Variants in DENND4C observed in about 807,000 individuals in gnomAD.
DENND4C encodes DENN domain-containing protein 4C.
DENND4C carries 108 observed loss-of-function variants against 203.0 expected under a neutral mutation model. The ratio of observed to expected loss-of-function variants is 0.53; its 90% CI spans 0.46 to 0.62. DENND4C has a LOEUF of 0.62. Among genes scored for constraint, DENND4C ranks in the 20% least tolerant of loss-of-function variants. The pLI is 0.00. For synonymous variants in DENND4C, 871 were observed against 792.4 expected, an observed-to-expected ratio of 1.10 and a Z score of -1.67; for missense variants, 2,481 against 2,301.2, an observed-to-expected ratio of 1.08 and a Z score of -1.60.
chr9:19,275,856 C>T (rs1341550459), intron 1 of DENND4C, among the ~76,000 whole-genome samples: 1 of 152,200 alleles, frequency 6.6e-6, no homozygotes, highest in East Asian at 1.9e-4. Context: ...ATCCACTTGC[C>T]TTGGCCCCCC....
intron 2 of DENND4C, among the ~76,000 whole-genome samples, chr9:19,277,016 T>C (rs1833016410): frequency 1.3e-5 from 2 of 152,010 alleles, no homozygotes; most frequent in South Asian, 4.1e-4. Flanking sequence ...CATTCTTTTT[T>C]GTAAATGCCT....
In DENND4C at chr9:19,358,941, A is replaced by G. The variant is rs554766411; in HGVS notation, c.5160+781A>G. On this transcript the variant is annotated intron_variant, in intron 28 of 32. Transcript: ENST00000434457. The surrounding 1 kb of genome is among the most constrained non-coding windows in gnomAD (Gnocchi z 4.8). ...CCTCCCAGCAGGAGACATAAACATT[A>G]GTAGCTATTAATGCCTTAATGCCTA... 2.6e-5 allele frequency among the ~76,000 whole-genome samples: 4 copies of G among 151,952 alleles called. No individual in the cohort carries two copies. The highest frequency in any genetic ancestry group is 9.7e-5 in the African/African-American group (4 of 41,216).
chr9:19,268,810 A>G (rs79044950), intron 1 of DENND4C, among the ~76,000 whole-genome samples: 3,178 of 152,210 alleles, frequency 0.021, 120 homozygotes, highest in African/African-American at 0.072. Flanking sequence ...TGCCAGACAC[A>G]TTAGAGCTCC....
chr9:19,265,325 A>G (rs1830266745), intron 1 of DENND4C, among the ~76,000 whole-genome samples: 1 of 152,100 alleles, frequency 6.6e-6, no homozygotes, highest in African/African-American at 2.4e-5. Context: ...CCAATTTTTT[A>G]AATTTTCCTT....
chr9:19,238,646 T>C (rs1397524547), intron 1 of DENND4C, among the ~76,000 whole-genome samples: 10 of 30,816 alleles, frequency 3.2e-4, no homozygotes, highest in Non-Finnish European at 5.8e-4. Flanking sequence ...TCCCCTCCCC[T>C]CCCTTCCCCT....
chr9:19,368,978 T>C (rs899937309), intron 30 of DENND4C, among the ~76,000 whole-genome samples: 2 of 151,552 alleles, frequency 1.3e-5, no homozygotes, highest in African/African-American at 4.9e-5. Flanking sequence ...AGCAAGACCC[T>C]ATCTCTACAA....
intron 1 of DENND4C, among the ~76,000 whole-genome samples, chr9:19,271,587 C>T (rs1033661441): frequency 1.3e-5 from 2 of 151,974 alleles, no homozygotes; most frequent in African/African-American, 2.4e-5. Flanking sequence ...GCAGTGAGGC[C>T]CAGTGAGGTG....
At chr9:19,335,138 G>A in intron 18 of DENND4C, 33 bp downstream of exon 18, 2 of 1,442,662 alleles carry the variant, frequency 1.4e-6, no homozygotes, top group Admixed American at 2.3e-5. Flanking sequence ...AAGATGTGGT[G>A]TTTATTAAGA....
intron 6 of DENND4C, among the ~76,000 whole-genome samples, chr9:19,297,593 A>G (rs901713902): frequency 4.6e-5 from 7 of 152,142 alleles, no homozygotes; most frequent in African/African-American, 1.4e-4. Context: ...TATGGCTCCT[A>G]AGAGCTCCAA....
In DENND4C at chr9:19,305,215, A is replaced by G. The variant is rs1025711058; in HGVS notation, c.1312-137A>G. 9 of 657,824 alleles carry G rather than the reference A, an allele frequency of 1.4e-5. No homozygotes were observed. The African/African-American group carries it at 1.5e-4, about 11-fold the overall frequency. 40.7% of individuals were successfully genotyped at this position (657,824 alleles called of 1,614,324 possible). A position where few individuals can be genotyped will look rare whatever the true frequency, so the allele number is the denominator to read the frequency against. Reference sequence around the variant, plus strand: ...GCTTAGTAGTATTTTATAGTCATTTAGTTTTGGAATGAAGTTTAAGGTAAA... The same window carrying G: ...GCTTAGTAGTATTTTATAGTCATTTGGTTTTGGAATGAAGTTTAAGGTAAA... On this transcript the variant is annotated intron_variant, in intron 9 of 32. Coordinates refer to ENST00000434457, the MANE Select transcript of DENND4C (RefSeq NM_001330640.2).
At chr9:19,260,482 C>T (rs1829089071) in intron 1 of DENND4C, among the ~76,000 whole-genome samples, 1 of 152,096 alleles carries the variant, frequency 6.6e-6, no homozygotes, top group Non-Finnish European at 1.5e-5. Flanking sequence ...ACTGCAACCT[C>T]CACCTCCTGG....
chr9:19,360,417 C>T lies in DENND4C; in HGVS notation c.5334C>T (p.Phe1778=), dbSNP rs368890769. 9.9e-5 allele frequency: 159 copies of T among 1,614,002 alleles called. No homozygotes were observed. The highest frequency in any genetic ancestry group is 1.2e-4 in the Non-Finnish European group (141 of 1,180,004). The change falls in exon 29 of 33, where the codon TTC becomes TTT. Residue 1778 remains phenylalanine, a synonymous_variant. Transcript: ENST00000434457. ...PIIFWNLVWY[F]RRLDLPSNLP... ...TTTTCTGGAACCTCGTTTGGTATTTCAGACGTTTGGACCTTCCTAGTAACT... is the reference window on the plus strand; with the variant it reads ...TTTTCTGGAACCTCGTTTGGTATTTTAGACGTTTGGACCTTCCTAGTAACT...
chr9:19,261,216 C>T (rs1829270635), intron 1 of DENND4C, among the ~76,000 whole-genome samples: 1 of 151,992 alleles, frequency 6.6e-6, no homozygotes, highest in African/African-American at 2.4e-5. Flanking sequence ...TTCCATTGGT[C>T]TCTGTGTCTT....
At chr9:19,362,645 G>A (rs1826754498) in intron 30 of DENND4C, among the ~76,000 whole-genome samples, 2 of 151,800 alleles carry the variant, frequency 1.3e-5, no homozygotes, top group Middle Eastern at 3.4e-3. Flanking sequence ...TAATTTTTTT[G>A]GTGATTTTTC....
chr9:19,318,907 G>T (rs939566914), intron 12 of DENND4C, among the ~76,000 whole-genome samples: 1 of 152,172 alleles, frequency 6.6e-6, no homozygotes, highest in African/African-American at 2.4e-5. Flanking sequence ...AGTGGCTTAT[G>T]CCTGTAATCC....
chr9:19,334,989 G>A lies in DENND4C; in HGVS notation c.2473G>A (p.Val825Ile). 1 of 1,601,100 alleles carries A rather than the reference G, an allele frequency of 6.2e-7. No homozygotes were observed. The highest frequency in any genetic ancestry group is 8.5e-7 in the Non-Finnish European group (1 of 1,176,054). ...VDPLDEVCYR[V>I]VMQLCGLWGH... ...TTTTTTTTGTTAGGTGTGCTATCGA[G>A]TAGTGATGCAGCTTTGTGGACTTTG... The change falls in exon 18 of 33, where the codon GTA becomes ATA. Residue 825 changes from valine (V) to isoleucine (I), a missense_variant. This residue lies in a region of DENND4C where 2,289 missense variants were observed against 2,113.3 expected (regional missense o/e 1.08). Coordinates refer to ENST00000434457, the MANE Select transcript of DENND4C (RefSeq NM_001330640.2).
chr9:19,371,033 A>C (rs746572386), intron 31 of DENND4C, among the ~76,000 whole-genome samples: 29 of 152,194 alleles, frequency 1.9e-4, no homozygotes, highest in Non-Finnish European at 3.4e-4. Flanking sequence ...TAGTTTAAGG[A>C]CAGGAATGTA....
chr9:19,342,987 T>C (rs1821986094), intron 22 of DENND4C, among the ~76,000 whole-genome samples: 2 of 152,220 alleles, frequency 1.3e-5, no homozygotes, highest in Admixed American at 1.3e-4. Context: ...TTAGTGTGTT[T>C]GTTATTTGGA....
rs370412214 is a variant in DENND4C, at chr9:19,372,165, C to G, written c.5869C>G (p.Leu1957Val). 1.4e-5 allele frequency: 23 copies of G among 1,610,428 alleles called. No individual in the cohort carries two copies. The highest frequency in any genetic ancestry group is 1.3e-5 in the Non-Finnish European group (15 of 1,178,960). Residue 1957 changes from leucine to valine, a missense_variant, in exon 33 of 33, where the codon CTC becomes GTC. Physicochemically the swap from Leu to Val is conservative, Grantham distance 32. Coordinates refer to ENST00000434457, the MANE Select transcript of DENND4C (RefSeq NM_001330640.2). ...EWCRKCFGAPLI is the reference protein window; with the variant it reads ...EWCRKCFGAPVI Reference sequence around the variant, plus strand: ...GTGCAGGAAGTGTTTTGGAGCGCCTCTCATTTAAATAGAGATTCACTAGAA... The same window carrying G: ...GTGCAGGAAGTGTTTTGGAGCGCCTGTCATTTAAATAGAGATTCACTAGAA...
Sources: allele counts gnomAD v4.1 joint callset (sites outside exome capture counted in the v4.1 genomes callset), GRCh38; gene constraint gnomAD v4.1.1; regional missense constraint gnomAD v4.1.1; non-coding constraint Gnocchi (gnomAD v3.1); transcripts MANE v1.5; gene names NCBI Gene and HGNC (gene_info 2026-07-23, HGNC 2026-07-21).